SLC9A9: variants seen among roughly 807,000 people sequenced by gnomAD.
SLC9A9 encodes sodium/hydrogen exchanger 9.
Under a neutral mutation model 77.8 loss-of-function variants are expected in SLC9A9, and 62 were observed. That is an observed-to-expected ratio of 0.80 (90% CI 0.65 to 0.98). SLC9A9 has a LOEUF of 0.98. SLC9A9 is among the 50% of genes least tolerant of loss of function. The pLI, the probability that SLC9A9 is intolerant of heterozygous loss-of-function variation, is 0.00. For missense variants in SLC9A9, 775 were observed against 774.9 expected (o/e 1.00, Z 0.00); for synonymous variants, 320 against 283.5 (o/e 1.13, Z -1.29).
intron 2 of SLC9A9, among the ~76,000 whole-genome samples, chr3:143,806,279 A>G (rs879837982): frequency 2.0e-5 from 3 of 152,264 alleles, no homozygotes; most frequent in Non-Finnish European, 4.4e-5. Context: ...TCCCTGTGAT[A>G]TCTGCCCGAT....
intron 6 of SLC9A9, 138 bp from the exon 7 acceptor site, chr3:143,578,861 C>T: frequency 2.0e-6 from 2 of 1,000,220 alleles, no homozygotes; most frequent in Non-Finnish European, 3.1e-6. Context: ...AAAACAGATA[C>T]AGAAGGGGAG....
At chr3:143,360,292 T>C (rs889635536) in intron 14 of SLC9A9, among the ~76,000 whole-genome samples, 69 of 152,242 alleles carry the variant, frequency 4.5e-4, no homozygotes, top group Admixed American at 4.0e-3. Context: ...CATTCCTCCC[T>C]GCTCAGTAAC....
intron 14 of SLC9A9, among the ~76,000 whole-genome samples, chr3:143,335,105 G>A (rs2031885336): frequency 6.6e-6 from 1 of 152,000 alleles, no homozygotes. Context: ...AAAACCTGCA[G>A]GATTCAAGAT....
chr3:143,374,787 T>C (rs1559888137), intron 13 of SLC9A9, among the ~76,000 whole-genome samples: 1 of 152,182 alleles, frequency 6.6e-6, no homozygotes, highest in Non-Finnish European at 1.5e-5. Flanking sequence ...ACAAGCCAGT[T>C]ACATACTTTA....
chr3:143,723,434 G>A (rs751963295), intron 4 of SLC9A9, among the ~76,000 whole-genome samples: 1 of 152,110 alleles, frequency 6.6e-6, no homozygotes, highest in Admixed American at 6.5e-5. Context: ...GATGGTGATG[G>A]ATAGCACCTC....
chr3:143,526,778 A>G (rs1416959532), intron 9 of SLC9A9, among the ~76,000 whole-genome samples: 1 of 152,226 alleles, frequency 6.6e-6, no homozygotes, highest in East Asian at 1.9e-4. Flanking sequence ...ATTAATGTAG[A>G]CAGTCTTTGA....
chr3:143,492,582 G>A (rs900904503), intron 11 of SLC9A9, among the ~76,000 whole-genome samples: 1 of 152,168 alleles, frequency 6.6e-6, no homozygotes, highest in Non-Finnish European at 1.5e-5. Flanking sequence ...TTGGGTTTAG[G>A]TGGAATCTCA....
intron 12 of SLC9A9, among the ~76,000 whole-genome samples, chr3:143,395,514 A>T (rs2033705121): frequency 6.6e-6 from 1 of 152,228 alleles, no homozygotes; most frequent in East Asian, 1.9e-4. Flanking sequence ...AACCTAGGCA[A>T]TACCATTCAG....
At chr3:143,594,458 T>C (rs1217634692) in intron 6 of SLC9A9, among the ~76,000 whole-genome samples, 2 of 148,060 alleles carry the variant, frequency 1.4e-5, no homozygotes, top group East Asian at 3.9e-4. Flanking sequence ...TATTTACATA[T>C]CACTAGAGGA....
chr3:143,807,408 T>C (rs4839610), intron 2 of SLC9A9, among the ~76,000 whole-genome samples: 57,119 of 150,400 alleles, frequency 0.38, 13,073 homozygotes, highest in African/African-American at 0.64. Flanking sequence ...AAGGCCATAG[T>C]GTGGGGCCTC....
Position 143,648,530 on chromosome 3 carries a change from G to A in SLC9A9, c.755+3725C>T, listed in dbSNP as rs1301230552. Among the ~76,000 whole-genome samples, 3 of 152,320 alleles carry A rather than the reference G, an allele frequency of 2.0e-5. No homozygotes were observed. In the East Asian group the frequency reaches 5.8e-4, roughly 29 times the overall value. ...CTGCTGTGTGGCCCAGTTCCTAACA[G>A]GCCACAGACCAGTGCCGGTCCACAG... On this transcript the variant is annotated intron_variant, in intron 6 of 15. Transcript: ENST00000316549.
Position 143,322,882 on chromosome 3 carries a change from A to G in SLC9A9, c.1604+40602T>C, listed in dbSNP as rs151013715. 2.8e-4 allele frequency among the ~76,000 whole-genome samples: 42 copies of G among 152,338 alleles called. 1 individual carries two copies. The highest frequency in any genetic ancestry group is 5.2e-4 in the Admixed American group (8 of 15,302). On this transcript the variant is annotated intron_variant, in intron 14 of 15. Coordinates refer to ENST00000316549, the MANE Select transcript of SLC9A9 (RefSeq NM_173653.4). The stretch of plus-strand genomic sequence containing the variant: ...AGCCAATAAGAACTAACATTGGGGA[A>G]AAGACACCAAAGAACACGAATAGAC...
At chr3:143,470,200 G>C (rs1299389969) in intron 11 of SLC9A9, among the ~76,000 whole-genome samples, 4 of 152,124 alleles carry the variant, frequency 2.6e-5, no homozygotes, top group Non-Finnish European at 5.9e-5. Flanking sequence ...CCGGCTGGGG[G>C]AGGGGTGGCT....
chr3:143,515,123 C>T (rs1034579990), intron 9 of SLC9A9, among the ~76,000 whole-genome samples: 2 of 151,986 alleles, frequency 1.3e-5, no homozygotes, highest in Non-Finnish European at 2.9e-5. Context: ...AATAGGGAGG[C>T]CAGAGAGGAG....
At chr3:143,318,575 T>G (rs181808193) in intron 14 of SLC9A9, among the ~76,000 whole-genome samples, 1 of 152,272 alleles carries the variant, frequency 6.6e-6, no homozygotes, top group African/African-American at 2.4e-5. Context: ...AAGCATGAAG[T>G]GGCCCAAATA....
At chr3:143,754,454 T>C (rs1445708712) in intron 4 of SLC9A9, among the ~76,000 whole-genome samples, 1 of 152,214 alleles carries the variant, frequency 6.6e-6, no homozygotes, top group Non-Finnish European at 1.5e-5. Context: ...AGGAGAGTGT[T>C]TTCTTGTATG....
chr3:143,644,804 C>T (rs901406645), intron 6 of SLC9A9, among the ~76,000 whole-genome samples: 1 of 151,772 alleles, frequency 6.6e-6, no homozygotes, highest in Non-Finnish European at 1.5e-5. Context: ...AGTATCTAGA[C>T]AGGCATCAAA....
intron 13 of SLC9A9, among the ~76,000 whole-genome samples, chr3:143,376,710 A>T (rs2033187807): frequency 6.6e-6 from 1 of 152,208 alleles, no homozygotes; most frequent in African/African-American, 2.4e-5. Context: ...TAGGGGGAGG[A>T]CATAATTTTG....
chr3:143,626,228 A>G (rs1010131357), intron 6 of SLC9A9, among the ~76,000 whole-genome samples: 2 of 152,238 alleles, frequency 1.3e-5, no homozygotes, highest in Non-Finnish European at 2.9e-5. Context: ...GGGATCTAGA[A>G]CTAGAAATAC....
Sources: allele counts gnomAD v4.1 joint callset (sites outside exome capture counted in the v4.1 genomes callset), GRCh38; gene constraint gnomAD v4.1.1; transcripts MANE v1.5; gene names NCBI Gene and HGNC (gene_info 2026-07-23, HGNC 2026-07-21).